COPS2: variants seen among roughly 807,000 people sequenced by gnomAD.
COPS2 encodes the protein COP9 signalosome subunit 2.
A neutral mutation model predicts 66.1 loss-of-function variants in COPS2; 10 were observed. That is an observed-to-expected ratio of 0.15 (90% CI 0.09 to 0.26). The LOEUF is 0.26. Among genes scored for constraint, COPS2 ranks in the 10% least tolerant of loss-of-function variants. COPS2 has a pLI of 1.00. For missense variants in COPS2, 215 were observed against 513.3 expected (o/e 0.42, Z 5.62); for synonymous variants, 179 against 171.3 (o/e 1.04, Z -0.35).
intron 12 of COPS2, 29 bp from the exon 13 acceptor site, chr15:49,128,123 C>T: frequency 6.2e-7 from 1 of 1,601,660 alleles, no homozygotes; most frequent in Middle Eastern, 1.7e-4. Flanking sequence ...GATGTGTCTA[C>T]AAAAGACTTT....
intron 9 of COPS2, among the ~76,000 whole-genome samples, chr15:49,132,204 C>G (rs903970656): frequency 1.3e-5 from 2 of 152,040 alleles, no homozygotes; most frequent in Non-Finnish European, 2.9e-5. Context: ...AATAAACTAT[C>G]TGAAATAAAG....
intron 3 of COPS2, among the ~76,000 whole-genome samples, chr15:49,143,008 G>A (rs1256397544): frequency 6.6e-6 from 1 of 152,198 alleles, no homozygotes; most frequent in Non-Finnish European, 1.5e-5. Flanking sequence ...AGAAATTTAA[G>A]TGACGATGGG....
chr15:49,144,923 A>G (rs934981321), intron 2 of COPS2, 42 bp downstream of exon 2: 4 of 1,131,204 alleles, frequency 3.5e-6, no homozygotes, highest in African/African-American at 3.2e-5. Flanking sequence ...GCATATCATT[A>G]AAAAAATTAA....
At chr15:49,155,356 G>A (rs950714220) in intron 1 of COPS2, among the ~76,000 whole-genome samples, 169 bp downstream of exon 1, 2 of 152,338 alleles carry the variant, frequency 1.3e-5, no homozygotes, top group East Asian at 1.9e-4. Flanking sequence ...TGGAGAAGCA[G>A]GGCCCGGGCC....
intron 1 of COPS2, among the ~76,000 whole-genome samples, chr15:49,154,836 T>A (rs558608367): frequency 6.6e-6 from 1 of 152,342 alleles, no homozygotes; most frequent in Non-Finnish European, 1.5e-5. Flanking sequence ...GGAAAAGCCA[T>A]GGGTTCAATT....
intron 1 of COPS2, among the ~76,000 whole-genome samples, chr15:49,149,493 A>G (rs1473475492): frequency 6.6e-6 from 1 of 152,204 alleles, no homozygotes; most frequent in East Asian, 1.9e-4. Flanking sequence ...AAAACAGTCC[A>G]AATTGTGAAC....
Position 49,126,890 on chromosome 15 carries a change from T to G in COPS2, c.*1060A>C, listed in dbSNP as rs1250764312. The G allele has an allele frequency of 6.6e-6, 1 of 152,094 alleles. No homozygotes were observed. Among genetic ancestry groups the G allele is most frequent in the Admixed American group, 6.6e-5 (1 of 15,260 alleles). The allele number at this position is 152,094 out of a possible 1,614,324, so 9.4% of individuals were successfully genotyped here. A position where few individuals can be genotyped will look rare whatever the true frequency, so the allele number is the denominator to read the frequency against. On this transcript the variant is annotated 3_prime_UTR_variant, in exon 13 of 13. Transcript: ENST00000388901. Reference sequence around the variant, plus strand: ...TTTAAAACAATGTATAATCATAAAGTTTAGTGTGTGTGACAAATTAACTTT... The same window carrying G: ...TTTAAAACAATGTATAATCATAAAGGTTAGTGTGTGTGACAAATTAACTTT...
chr15:49,135,504 G>A (rs1333901334), intron 6 of COPS2, among the ~76,000 whole-genome samples: 1 of 152,142 alleles, frequency 6.6e-6, no homozygotes, highest in Non-Finnish European at 1.5e-5. Context: ...CATAAACCAA[G>A]TGCCTAGGAG....
At chr15:49,134,571 T>C in intron 6 of COPS2, 57 bp from the exon 7 acceptor site, 1 of 1,347,758 alleles carries the variant, frequency 7.4e-7, no homozygotes, top group Non-Finnish European at 1.0e-6. Flanking sequence ...TAATTCTTAT[T>C]TGCATTAGCC....
chr15:49,136,635 TAGTA>T (rs1555392033), intron 6 of COPS2, among the ~76,000 whole-genome samples: 6 of 152,186 alleles, frequency 3.9e-5, no homozygotes, highest in Non-Finnish European at 8.8e-5. Context: ...ATCAATATAA[TAGTA>T]AGTATTACAA....
chr15:49,149,764 A>C (rs927849368), intron 1 of COPS2, among the ~76,000 whole-genome samples: 22 of 152,104 alleles, frequency 1.4e-4, no homozygotes, highest in African/African-American at 5.3e-4. Context: ...GGAAAACAAT[A>C]CTCACCATTA....
chr15:49,136,816 A>C (rs911125885), intron 6 of COPS2, among the ~76,000 whole-genome samples: 1 of 151,812 alleles, frequency 6.6e-6, no homozygotes, highest in Non-Finnish European at 1.5e-5. Flanking sequence ...GCAAAACCCC[A>C]CCTCTACAAA....
chr15:49,131,160 A>C (rs2246995), intron 9 of COPS2, among the ~76,000 whole-genome samples: 41,815 of 152,048 alleles, frequency 0.28, 6,254 homozygotes, highest in East Asian at 0.43. Flanking sequence ...TGATGTTTTC[A>C]AATGAAATTG....
intron 5 of COPS2, 26 bp downstream of exon 5, chr15:49,137,322 A>C (rs1470405793): frequency 6.4e-7 from 1 of 1,566,432 alleles, no homozygotes; most frequent in Admixed American, 1.7e-5. Flanking sequence ...TTTTCAAAAG[A>C]AAAGTGTAAG....
Position 49,133,987 on chromosome 15 carries a change from A to G in COPS2, c.837T>C (p.Tyr279=), listed in dbSNP as rs1404954926. The G allele has an allele frequency of 2.5e-6, 4 of 1,613,910 alleles. No individual in the cohort carries two copies. The African/African-American group carries it at 4.0e-5, about 16-fold the overall frequency. ...TCATAAGCATATTTGCTAAGACCAA[A>G]TATTTTAAGCAAGTGGTTCGTCTTG... The part of the protein sequence containing the change: ...GSPRRTTCLK[Y]LVLANMLMKS... Residue 279 remains tyrosine (Y), a synonymous_variant, in exon 8 of 13, where the codon TAT becomes TAC. Coordinates refer to ENST00000388901, the MANE Select transcript of COPS2 (RefSeq NM_004236.4).
chr15:49,147,925 C>A (rs564838601), intron 1 of COPS2, among the ~76,000 whole-genome samples: 59 of 152,250 alleles, frequency 3.9e-4, no homozygotes, highest in African/African-American at 1.2e-3. Context: ...ATCGGCACAA[C>A]TGATGTTCTA....
intron 9 of COPS2, among the ~76,000 whole-genome samples, chr15:49,132,062 T>C (rs2084213475): frequency 6.6e-6 from 1 of 152,206 alleles, no homozygotes; most frequent in Admixed American, 6.5e-5. Context: ...ATTTAATTTA[T>C]ACAAAATATC....
intron 9 of COPS2, among the ~76,000 whole-genome samples, chr15:49,131,990 G>A (rs2084212997): frequency 6.6e-6 from 1 of 152,054 alleles, no homozygotes; most frequent in Non-Finnish European, 1.5e-5. Flanking sequence ...TATATATTCT[G>A]ATATAGGTCA....
rs2084233926 is a variant in COPS2 at position 49,133,920 on chromosome 15, A to T, written c.894+10T>A. ...CTGATAAGAGAAATTAACAATTAAA[A>T]CACACGTACCTCCTGTGAGTCAAAT... On this transcript the variant is annotated intron_variant, in intron 8 of 12. Coordinates refer to ENST00000388901, the MANE Select transcript of COPS2 (RefSeq NM_004236.4). 6.3e-7 allele frequency: 1 copy of T among 1,588,904 alleles called. No homozygotes were observed. The highest frequency in any genetic ancestry group is 8.5e-7 in the Non-Finnish European group (1 of 1,169,590).
Sources: allele counts gnomAD v4.1 joint callset (sites outside exome capture counted in the v4.1 genomes callset), GRCh38; gene constraint gnomAD v4.1.1; transcripts MANE v1.5; gene names NCBI Gene and HGNC (gene_info 2026-07-23, HGNC 2026-07-21).